The following ZXDC variants were observed in gnomAD, a reference collection of about 807,000 sequenced individuals.
The protein encoded by ZXDC is ZXD family zinc finger C.
Under a neutral mutation model 63.6 loss-of-function variants are expected in ZXDC, and 58 were observed. The observed-to-expected ratio is 0.91, with a 90% CI of 0.74 to 1.13. The LOEUF is 1.13. Ranked by LOEUF, ZXDC falls within the 50% of genes most tolerant of loss-of-function variation. ZXDC has a pLI of 0.00. For synonymous variants in ZXDC, 561 were observed against 496.1 expected (o/e 1.13, Z -1.74); for missense variants, 1,133 against 1,148.9 (o/e 0.99, Z 0.20).
At chr3:126,466,367 C>T in intron 4 of ZXDC, 42 bp from the exon 5 acceptor site, 1 of 1,612,076 alleles carries the variant, frequency 6.2e-7, no homozygotes, top group Non-Finnish European at 8.5e-7. Context: ...CAAGGATCAC[C>T]AAGGAACCAG....
At chr3:126,442,088 GA>G (rs1933704164) in intron 7 of ZXDC, 142 bp from the exon 8 acceptor site, 4 of 966,744 alleles carry the variant, frequency 4.1e-6, no homozygotes, top group Admixed American at 8.1e-5. Flanking sequence ...TCACTTAACA[GA>G]AAAAATCAAG....
At chr3:126,470,705 C>T (rs988160358) in intron 4 of ZXDC, among the ~76,000 whole-genome samples, 190 bp downstream of exon 4, 14 of 152,184 alleles carry the variant, frequency 9.2e-5, no homozygotes, top group African/African-American at 3.4e-4. Context: ...AGTCAAACTG[C>T]GTCTGATTCT....
At position 126,437,705 on chromosome 3, in the gene ZXDC, T is replaced by C. The variant is rs1276616421; in HGVS notation, c.*670A>G. 1 of 152,016 alleles carries C rather than the reference T, an allele frequency of 6.6e-6. No homozygotes were observed. The highest frequency in any genetic ancestry group is 1.5e-5 in the Non-Finnish European group (1 of 68,164). 9.4% of individuals were successfully genotyped at this position (152,016 alleles called of 1,614,324 possible). A position where few individuals can be genotyped will look rare whatever the true frequency, so the allele number is the denominator to read the frequency against. ...TCCAAATACAGAATTTAGAAAATTATTTTAAATTTTAACTCTACCATCCCC... is the reference window on the plus strand; with the variant it reads ...TCCAAATACAGAATTTAGAAAATTACTTTAAATTTTAACTCTACCATCCCC... On this transcript the variant is annotated 3_prime_UTR_variant, in exon 10 of 10. Transcript: ENST00000389709.
chr3:126,441,703 T>A lies in ZXDC; in HGVS notation c.2394+62A>T, dbSNP rs1933683734. The A allele has an allele frequency of 4.0e-6, 6 of 1,505,588 alleles. No homozygotes were observed. The South Asian group carries it at 8.1e-5, about 20-fold the overall frequency. The allele number at this position is 1,505,588 out of a possible 1,614,324, so 93.3% of individuals were successfully genotyped here. Reference sequence around the variant, plus strand: ...GGGGATGCAGCATGCCGCACACTGCTCAGACCTGCGTGACCCTCCCACCCC... The same window carrying A: ...GGGGATGCAGCATGCCGCACACTGCACAGACCTGCGTGACCCTCCCACCCC... On this transcript the variant is annotated intron_variant, in intron 8 of 9. Transcript: ENST00000389709.
rs142629583 is a variant in ZXDC, at chr3:126,452,718, G to A, written c.2212+6935C>T. The stretch of plus-strand genomic sequence containing the variant: ...ATTTAGAACATTTCCATCTATCTTC[G>A]TAAGAGTCACCAATCTGCAGTTTTT... On this transcript the variant is annotated intron_variant, in intron 7 of 9. Transcript: ENST00000389709. 8.6e-5 allele frequency among the ~76,000 whole-genome samples: 13 copies of A among 150,490 alleles called. No homozygotes were observed. In the East Asian group the frequency reaches 1.9e-3, roughly 23 times the overall value.
At position 126,475,029 on chromosome 3, in the gene ZXDC, C is replaced by T; in HGVS notation, c.837G>A (p.Thr279=). 2 of 1,598,456 alleles carry T rather than the reference C, an allele frequency of 1.3e-6. No homozygotes were observed. Among genetic ancestry groups the T allele is most frequent in the South Asian group, 2.3e-5 (2 of 88,768 alleles). Residue 279 remains threonine, a synonymous_variant, in exon 1 of 10, where the codon ACG becomes ACA. Transcript: ENST00000389709. ...GCTGGTGGGAGCTGAGCTTGGCGTG[C>T]GTGGGGAAGCGCTCGGCGCACACCT... is the stretch of plus-strand genomic sequence containing the variant. The part of the protein sequence containing the change: ...KCEVCAERFP[T]HAKLSSHQRS...
intron 7 of ZXDC, chr3:126,453,080 T>TG (rs1163557969): frequency 1.0e-6 from 1 of 985,324 alleles, no homozygotes; most frequent in African/African-American, 1.7e-5. Context: ...CACAGAGCTT[T>TG]GGAGCAGCAT....
In ZXDC at chr3:126,438,374, G is replaced by A. The variant is rs773445161; in HGVS notation, c.*1C>T. The A allele has an allele frequency of 1.5e-5, 24 of 1,611,978 alleles. No homozygotes were observed. The Admixed American group carries it at 1.8e-4, about 12-fold the overall frequency. ...TGGGCCTGCCCAGGCCGAGGCTGCC[G>A]TCACTGCAGATCCTGCAGGTTGATA... On this transcript the variant is annotated 3_prime_UTR_variant, in exon 10 of 10. Coordinates refer to ENST00000389709, the MANE Select transcript of ZXDC (RefSeq NM_025112.5).
chr3:126,452,907 T>C, intron 7 of ZXDC: 1 of 533,926 alleles, frequency 1.9e-6, no homozygotes, highest in Non-Finnish European at 2.4e-6. Flanking sequence ...CGTGGCTAAT[T>C]ATTATTTTTT....
rs1027628179 is a variant in ZXDC at position 126,460,604 on chromosome 3, C to T, written c.2128-867G>A. 9 of 985,276 alleles carry T rather than the reference C, an allele frequency of 9.1e-6. No homozygotes were observed. The African/African-American group carries it at 1.6e-4, about 17-fold the overall frequency. 61.0% of individuals were successfully genotyped at this position (985,276 alleles called of 1,614,324 possible). ...ACTTGTCTCTGACCTGTGGCCACCT[C>T]CCATCCCTGCCCAGTCACCTGTACA... On this transcript the variant is annotated intron_variant, in intron 6 of 9. Coordinates refer to ENST00000389709, the MANE Select transcript of ZXDC (RefSeq NM_025112.5).
intron 7 of ZXDC, chr3:126,452,463 A>C: frequency 1.0e-6 from 1 of 985,304 alleles, no homozygotes; most frequent in Non-Finnish European, 1.2e-6. Context: ...CTCGTTCCTA[A>C]CAGGTGAGCA....
At chr3:126,454,541 C>T (rs1934235975) in intron 7 of ZXDC, 1 of 985,330 alleles carries the variant, frequency 1.0e-6, no homozygotes, top group African/African-American at 1.7e-5. Flanking sequence ...ATACAGGGTG[C>T]ACCTCTCCTA....
chr3:126,451,802 G>C, intron 7 of ZXDC: 1 of 985,394 alleles, frequency 1.0e-6, no homozygotes, highest in Non-Finnish European at 1.2e-6. Context: ...CTGTGCCTCT[G>C]CTGATACACT....
chr3:126,447,684 G>T (rs950896213), intron 7 of ZXDC, among the ~76,000 whole-genome samples: 3 of 152,162 alleles, frequency 2.0e-5, no homozygotes, highest in African/African-American at 7.2e-5. Context: ...GGGAAATCTG[G>T]GTTCCTAGTT....
At chr3:126,460,870 C>G (rs1934500338) in intron 6 of ZXDC, 1 of 985,260 alleles carries the variant, frequency 1.0e-6, no homozygotes, top group Admixed American at 6.2e-5. Flanking sequence ...ATAAATGTCA[C>G]CATCAAATTT....
At chr3:126,454,918 A>G (rs1934247709) in intron 7 of ZXDC, 4 of 985,480 alleles carry the variant, frequency 4.1e-6, no homozygotes, top group Non-Finnish European at 4.8e-6. Context: ...TACACTCAAC[A>G]GCAACACAAT....
intron 7 of ZXDC, chr3:126,454,581 A>C (rs1332247056): frequency 1.8e-5 from 18 of 985,278 alleles, no homozygotes; most frequent in Non-Finnish European, 2.0e-5. Flanking sequence ...TGTGCTTCCC[A>C]TGTATTCAAT....
At chr3:126,440,330 C>T (rs1933629587) in intron 8 of ZXDC, 1 of 987,172 alleles carries the variant, frequency 1.0e-6, no homozygotes, top group African/African-American at 1.7e-5. Context: ...CTCTGCACCT[C>T]TCATTCCTTC....
rs1050623961 is a variant in ZXDC at position 126,453,856 on chromosome 3, C to T, written c.2212+5797G>A. 1.0e-5 allele frequency: 10 copies of T among 985,032 alleles called. No homozygotes were observed. In the South Asian group the frequency reaches 1.9e-4, roughly 19 times the overall value. The allele number at this position is 985,032 out of a possible 1,614,324, so 61.0% of individuals were successfully genotyped here. A position where few individuals can be genotyped will look rare whatever the true frequency, so the allele number is the denominator to read the frequency against. On this transcript the variant is annotated intron_variant, in intron 7 of 9. Transcript: ENST00000389709. ...CTGGGATTACAGGCATGAGCCACCG[C>T]GCCCAGCCTCGCTTTTATTTCTTCT...
Sources: gnomAD v4.1 joint callset for allele counts (sites outside exome capture counted in the v4.1 genomes callset) on GRCh38, gnomAD v4.1.1 for gene constraint, MANE v1.5 for transcripts, NCBI Gene and HGNC (gene_info 2026-07-23, HGNC 2026-07-21) for gene names.